The following SRRM4 variants were observed in gnomAD, a reference collection of about 807,000 sequenced individuals.
SRRM4 encodes serine/arginine repetitive matrix protein 4.
Under a neutral mutation model 68.9 loss-of-function variants are expected in SRRM4, and 33 were observed. The observed-to-expected ratio is 0.48, with a 90% CI of 0.36 to 0.64. The LOEUF (loss-of-function observed/expected upper bound fraction) is 0.64, where lower values mean the gene tolerates loss of function less well. SRRM4 is among the 30% of genes least tolerant of loss of function. The pLI is 0.00. For missense variants in SRRM4, 817 were observed against 827.1 expected (o/e 0.99, Z 0.15); for synonymous variants, 318 against 318.8 (o/e 1.00, Z 0.03).
At chr12:119,076,630 G>T (rs1460567437) in intron 1 of SRRM4, among the ~76,000 whole-genome samples, 1 of 152,200 alleles carries the variant, frequency 6.6e-6, no homozygotes, top group African/African-American at 2.4e-5. Context: ...GTAAGGGCTG[G>T]TCACACTGAA....
intron 1 of SRRM4, among the ~76,000 whole-genome samples, chr12:119,026,925 T>C (rs1000139094): frequency 2.0e-5 from 3 of 152,198 alleles, no homozygotes; most frequent in African/African-American, 7.2e-5. Flanking sequence ...TGTAAACTAA[T>C]CATGGTAATC....
At chr12:119,093,122 C>T (rs1182469207) in intron 1 of SRRM4, among the ~76,000 whole-genome samples, 3 of 152,066 alleles carry the variant, frequency 2.0e-5, no homozygotes, top group South Asian at 2.1e-4. Flanking sequence ...ATTGCAAGCC[C>T]CTCGCAGTAG....
At chr12:119,147,806 C>G (rs942957813) in intron 9 of SRRM4, among the ~76,000 whole-genome samples, 1 of 152,186 alleles carries the variant, frequency 6.6e-6, no homozygotes, top group Non-Finnish European at 1.5e-5. Context: ...AATTCTACTT[C>G]GTCATCCGCT....
At chr12:118,996,642 T>C (rs1388279214) in intron 1 of SRRM4, among the ~76,000 whole-genome samples, 1 of 152,204 alleles carries the variant, frequency 6.6e-6, no homozygotes, top group Non-Finnish European at 1.5e-5. Context: ...TAGACAGATT[T>C]CACTGAATTC....
At position 119,125,977 on chromosome 12, in the gene SRRM4, G is replaced by A. The variant is rs369484037; in HGVS notation, c.614+498G>A. 2.0e-5 allele frequency among the ~76,000 whole-genome samples: 3 copies of A among 147,026 alleles called. No homozygotes were observed. In the East Asian group the frequency reaches 6.0e-4, roughly 30 times the overall value. On this transcript the variant is annotated intron_variant, in intron 7 of 12. Transcript: ENST00000267260. ...GGGCTGGAGACCAAAAGGTCTTGCT[G>A]CCATCACTTATAGGAATGACAACAC...
chr12:118,988,299 G>T (rs1360548376), intron 1 of SRRM4, among the ~76,000 whole-genome samples: 1 of 152,224 alleles, frequency 6.6e-6, no homozygotes, highest in East Asian at 1.9e-4. Context: ...TTTGCCCCCA[G>T]CAGGGTCTCA....
In SRRM4 at chr12:119,119,050, A is replaced by ATTTT. The variant is rs34814921; in HGVS notation, c.438-1186_438-1183dup. On this transcript the variant is annotated intron_variant, in intron 4 of 12. Transcript: ENST00000267260. ...ACCTAGGGGTAGCGAAAGCACTGAG[A>ATTTT]TTTTTTTTTTTTTTTTTGTCTCTCC... 2.2e-3 allele frequency among the ~76,000 whole-genome samples: 293 copies of ATTTT among 135,740 alleles called. 3 individuals are homozygous for ATTTT. Among genetic ancestry groups the ATTTT allele is most frequent in the African/African-American group, 6.3e-3 (231 of 36,394 alleles). 89.1% of individuals were successfully genotyped at this position (135,740 alleles called of 152,430 possible).
At chr12:119,135,637 T>C (rs1345907872) in intron 8 of SRRM4, among the ~76,000 whole-genome samples, 1 of 152,246 alleles carries the variant, frequency 6.6e-6, no homozygotes, top group Non-Finnish European at 1.5e-5. Context: ...GCACCTACTA[T>C]GCACCAGGTG....
intron 1 of SRRM4, among the ~76,000 whole-genome samples, chr12:118,996,679 C>A (rs1953351567): frequency 6.6e-6 from 1 of 152,206 alleles, no homozygotes; most frequent in South Asian, 2.1e-4. Flanking sequence ...TAATAGGTAT[C>A]ATTGTCTCCA....
intron 1 of SRRM4, among the ~76,000 whole-genome samples, chr12:119,101,900 G>A (rs73213727): frequency 0.039 from 6,002 of 152,190 alleles, 134 homozygotes; most frequent in African/African-American, 0.056. Context: ...CATCAAAGTG[G>A]TTTAACCTAA....
chr12:119,064,205 G>A (rs1443944772), intron 1 of SRRM4, among the ~76,000 whole-genome samples: 2 of 152,148 alleles, frequency 1.3e-5, no homozygotes, highest in Non-Finnish European at 2.9e-5. Flanking sequence ...CATTTCTAAA[G>A]TGATCTCCCT....
At chr12:119,061,012 A>G (rs954585932) in intron 1 of SRRM4, among the ~76,000 whole-genome samples, 4 of 151,988 alleles carry the variant, frequency 2.6e-5, no homozygotes, top group Non-Finnish European at 4.4e-5. Flanking sequence ...TTCTCATCTG[A>G]GCATGCCTAC....
rs545843240 is a variant in SRRM4 at position 119,137,145 on chromosome 12, C to T, written c.771+6311C>T. On this transcript the variant is annotated intron_variant, in intron 8 of 12. Coordinates refer to ENST00000267260, the MANE Select transcript of SRRM4 (RefSeq NM_194286.4). Reference sequence around the variant, plus strand: ...ATAACCAGAACCCTCTAGCTAAAAGCTCTACCATACAGCTCCACACTCACA... The same window carrying T: ...ATAACCAGAACCCTCTAGCTAAAAGTTCTACCATACAGCTCCACACTCACA... Among the ~76,000 whole-genome samples the T allele has an allele frequency of 1.5e-4, 23 of 151,706 alleles. 1 individual carries two copies. The South Asian group carries it at 3.1e-3, about 21-fold the overall frequency.
chr12:119,102,784 C>A (rs1954084863), intron 2 of SRRM4, among the ~76,000 whole-genome samples: 1 of 152,176 alleles, frequency 6.6e-6, no homozygotes, highest in Non-Finnish European at 1.5e-5. Flanking sequence ...AGTTTCAGCC[C>A]AGACCTGTCT....
rs1168323949 is a variant in SRRM4, at chr12:119,107,707, C to T, written c.278+5325C>T. On this transcript the variant is annotated intron_variant, in intron 2 of 12. Coordinates refer to ENST00000267260, the MANE Select transcript of SRRM4 (RefSeq NM_194286.4). Reference sequence around the variant, plus strand: ...TATTGTGTGTATTTGATTCTTCTCTCTTTTCTTCTATATTAGTCTTGCTAG... The same window carrying T: ...TATTGTGTGTATTTGATTCTTCTCTTTTTTCTTCTATATTAGTCTTGCTAG... 2.0e-5 allele frequency among the ~76,000 whole-genome samples: 3 copies of T among 152,214 alleles called. No individual in the cohort carries two copies. In the East Asian group the frequency reaches 5.8e-4, roughly 29 times the overall value.
At position 119,159,980 on chromosome 12, in the gene SRRM4, A is replaced by C. The variant is rs1367032235; in HGVS notation, c.*3182A>C. On this transcript the variant is annotated 3_prime_UTR_variant, in exon 13 of 13. Coordinates refer to ENST00000267260, the MANE Select transcript of SRRM4 (RefSeq NM_194286.4). Reference sequence around the variant, plus strand: ...CATCCTGGAAGGGCCCAGGATCCAAAGGTCATCAGTCCTGCTTATCTGACC... The same window carrying C: ...CATCCTGGAAGGGCCCAGGATCCAACGGTCATCAGTCCTGCTTATCTGACC... 1 of 151,740 alleles carries C rather than the reference A, an allele frequency of 6.6e-6. No homozygotes were observed. The highest frequency in any genetic ancestry group is 2.4e-5 in the African/African-American group (1 of 41,278). The allele number at this position is 151,740 out of a possible 1,614,324, so 9.4% of individuals were successfully genotyped here. A position where few individuals can be genotyped will look rare whatever the true frequency, so the allele number is the denominator to read the frequency against.
chr12:119,089,136 T>G (rs1480606085), intron 1 of SRRM4, among the ~76,000 whole-genome samples: 2 of 152,126 alleles, frequency 1.3e-5, no homozygotes, highest in African/African-American at 4.8e-5. Flanking sequence ...AGAGCCCATA[T>G]GAGAGCCCAT....
At chr12:119,032,038 T>A (rs1850413498) in intron 1 of SRRM4, among the ~76,000 whole-genome samples, 1 of 152,196 alleles carries the variant, frequency 6.6e-6, no homozygotes, top group South Asian at 2.1e-4. Flanking sequence ...AAAGTTCATT[T>A]TTGATAGTAA....
chr12:119,114,924 A>G (rs1191224149), intron 3 of SRRM4, among the ~76,000 whole-genome samples: 1 of 151,892 alleles, frequency 6.6e-6, no homozygotes, highest in Non-Finnish European at 1.5e-5. Context: ...TCGGCCTTCC[A>G]AAGTGCTGGG....
Sources: allele counts gnomAD v4.1 joint callset (sites outside exome capture counted in the v4.1 genomes callset), GRCh38; gene constraint gnomAD v4.1.1; transcripts MANE v1.5; gene names NCBI Gene and HGNC (gene_info 2026-07-23, HGNC 2026-07-21).